The following MAP2K6 variants were observed in gnomAD, a reference collection of about 807,000 sequenced individuals.
MAP2K6 encodes the protein mitogen-activated protein kinase kinase 6, also known as dual specificity mitogen-activated protein kinase kinase 6.
In MAP2K6, 16 loss-of-function variants were observed where a neutral mutation model predicts 53.7. The observed-to-expected ratio is 0.30, with a 90% CI of 0.20 to 0.45. MAP2K6 has a LOEUF of 0.45. Among genes scored for constraint, MAP2K6 ranks in the 20% least tolerant of loss-of-function variants. MAP2K6 has a pLI of 1.00. For synonymous variants in MAP2K6, 132 were observed against 143.1 expected, an observed-to-expected ratio of 0.92 and a Z score of 0.55; for missense variants, 204 against 411.9, an observed-to-expected ratio of 0.50 and a Z score of 4.37.
intron 10 of MAP2K6, among the ~76,000 whole-genome samples, chr17:69,530,590 T>A (rs1308572447): frequency 6.6e-6 from 1 of 152,186 alleles, no homozygotes; most frequent in East Asian, 1.9e-4. Context: ...AGTTTGACTT[T>A]TTCAGCATGC....
intron 1 of MAP2K6, among the ~76,000 whole-genome samples, chr17:69,419,761 C>A (rs1355767840): frequency 6.6e-6 from 1 of 151,930 alleles, no homozygotes; most frequent in Non-Finnish European, 1.5e-5. Context: ...ACCCTGCCTC[C>A]ACTAAAAATA....
chr17:69,415,798 ATATTT>A (rs1311118052), intron 1 of MAP2K6, among the ~76,000 whole-genome samples: 1 of 152,232 alleles, frequency 6.6e-6, no homozygotes, highest in Non-Finnish European at 1.5e-5. Flanking sequence ...GCATAATGAA[ATATTT>A]TAAGTGTGTA....
intron 1 of MAP2K6, among the ~76,000 whole-genome samples, chr17:69,419,420 G>T (rs190852749): frequency 3.9e-5 from 6 of 152,024 alleles, no homozygotes; most frequent in Non-Finnish European, 8.8e-5. Flanking sequence ...CAAGCATAAT[G>T]GTACATATTG....
At chr17:69,438,037 A>T (rs561455746) in intron 1 of MAP2K6, among the ~76,000 whole-genome samples, 20 of 152,384 alleles carry the variant, frequency 1.3e-4, no homozygotes, top group Admixed American at 6.5e-4. Flanking sequence ...ATTACACGTA[A>T]GTGTAGCTAA....
In MAP2K6 at chr17:69,472,859, C is replaced by T. The variant is rs181738014; in HGVS notation, c.17-32921C>T. 2.4e-3 allele frequency among the ~76,000 whole-genome samples: 369 copies of T among 152,168 alleles called. 2 individuals are homozygous for T. The highest frequency in any genetic ancestry group is 8.6e-3 in the African/African-American group (355 of 41,514). On this transcript the variant is annotated intron_variant, in intron 1 of 11. Coordinates refer to ENST00000590474, the MANE Select transcript of MAP2K6 (RefSeq NM_002758.4). ...GACCACAGGCATGCGCCACCATGCCCGTCTAATTTCTGTACTTTTGTATTT... is the reference window on the plus strand; with the variant it reads ...GACCACAGGCATGCGCCACCATGCCTGTCTAATTTCTGTACTTTTGTATTT...
chr17:69,478,464 C>T (rs1177992945), intron 1 of MAP2K6, among the ~76,000 whole-genome samples: 2 of 152,168 alleles, frequency 1.3e-5, no homozygotes, highest in Non-Finnish European at 2.9e-5. Context: ...CCGAGTTTCA[C>T]TCTTGTTGCC....
intron 7 of MAP2K6, among the ~76,000 whole-genome samples, chr17:69,522,352 G>T (rs544108668): frequency 6.6e-6 from 1 of 152,038 alleles, no homozygotes; most frequent in African/African-American, 2.4e-5. Context: ...AACATTAAGG[G>T]TTATTTCACC....
chr17:69,502,861 A>C (rs900255757), intron 1 of MAP2K6, among the ~76,000 whole-genome samples: 1 of 152,178 alleles, frequency 6.6e-6, no homozygotes, highest in African/African-American at 2.4e-5. Context: ...CTTTGTATAG[A>C]TGTTTTGGTG....
intron 1 of MAP2K6, among the ~76,000 whole-genome samples, chr17:69,463,060 A>G (rs1402437374): frequency 1.4e-5 from 2 of 147,230 alleles, no homozygotes; most frequent in African/African-American, 5.0e-5. Context: ...TGGGAGATGT[A>G]TTTGACACTG....
intron 1 of MAP2K6, chr17:69,433,292 G>A (rs752684810): frequency 5.3e-5 from 8 of 152,266 alleles, no homozygotes; most frequent in Non-Finnish European, 8.8e-5. Context: ...TAAGCCAAGT[G>A]TGGAACACAG....
chr17:69,492,772 G>C lies in MAP2K6; in HGVS notation c.17-13008G>C, dbSNP rs183234339. On this transcript the variant is annotated intron_variant, in intron 1 of 11. Transcript: ENST00000590474. ...ATTTAAGTCCCACCTGGATAATTTA[G>C]GCTCATCTTCTCATCTCAAAAGCCT... Among the ~76,000 whole-genome samples the C allele has an allele frequency of 2.6e-5, 4 of 151,012 alleles. No individual in the cohort carries two copies. The East Asian group carries it at 6.0e-4, about 22-fold the overall frequency.
chr17:69,429,584 A>G (rs1049398678), intron 1 of MAP2K6, among the ~76,000 whole-genome samples: 1 of 152,216 alleles, frequency 6.6e-6, no homozygotes, highest in Non-Finnish European at 1.5e-5. Flanking sequence ...GGTCTTTTCA[A>G]CTATGTGTAT....
At chr17:69,467,102 A>G (rs1415233477) in intron 1 of MAP2K6, among the ~76,000 whole-genome samples, 4 of 146,454 alleles carry the variant, frequency 2.7e-5, no homozygotes, top group African/African-American at 2.4e-5. Context: ...CTCCCATTCT[A>G]TCCTTCTGGT....
chr17:69,514,614 C>T (rs1204923789), intron 2 of MAP2K6, among the ~76,000 whole-genome samples: 4 of 151,692 alleles, frequency 2.6e-5, no homozygotes, highest in Admixed American at 6.6e-5. Flanking sequence ...CAGGCTGGAG[C>T]GCAGTGGCAC....
intron 1 of MAP2K6, among the ~76,000 whole-genome samples, chr17:69,485,076 A>G (rs1459691217): frequency 6.6e-6 from 1 of 152,174 alleles, no homozygotes; most frequent in Non-Finnish European, 1.5e-5. Context: ...TAGGTGAAAT[A>G]CATGTTAAAT....
At chr17:69,536,299 G>A (rs1911355333) in intron 11 of MAP2K6, 139 bp downstream of exon 11, 1 of 685,284 alleles carries the variant, frequency 1.5e-6, no homozygotes, top group Non-Finnish European at 2.6e-6. Context: ...TGAACTCCAG[G>A]AAAGAGAGTT....
intron 1 of MAP2K6, among the ~76,000 whole-genome samples, chr17:69,457,441 T>A (rs1169827295): frequency 1.3e-5 from 2 of 152,192 alleles, no homozygotes; most frequent in East Asian, 3.8e-4. Context: ...TCATAGGGGA[T>A]CCTCTTCTTA....
At chr17:69,441,845 G>A (rs2365493) in intron 1 of MAP2K6, among the ~76,000 whole-genome samples, 49,508 of 152,002 alleles carry the variant, frequency 0.33, 9,272 homozygotes, top group Admixed American at 0.41. Flanking sequence ...GCCTCTGTTG[G>A]CACCTGGAGA....
At chr17:69,445,894 T>G (rs2145152370) in intron 1 of MAP2K6, among the ~76,000 whole-genome samples, 1 of 152,330 alleles carries the variant, frequency 6.6e-6, no homozygotes, top group South Asian at 2.1e-4. Flanking sequence ...CAGGTCTCTT[T>G]TTCTTATTTT....
Sources: gnomAD v4.1 joint callset for allele counts (sites outside exome capture counted in the v4.1 genomes callset) on GRCh38, gnomAD v4.1.1 for gene constraint, MANE v1.5 for transcripts, NCBI Gene and HGNC (gene_info 2026-07-23, HGNC 2026-07-21) for gene names.